Variants in EPG5 observed in about 807,000 individuals in gnomAD.
The protein encoded by EPG5 is ectopic P granules protein 5 homolog.
Under a neutral mutation model 302.7 loss-of-function variants are expected in EPG5, and 159 were observed. That is an observed-to-expected ratio of 0.53 (90% CI 0.46 to 0.60). The LOEUF is 0.60. Ranked by LOEUF, EPG5 falls within the 20% of genes least tolerant of loss-of-function variation. The probability of loss-of-function intolerance (pLI) is 0.00; values close to 1 mark genes in which losing one functional copy is unlikely to be tolerated. For missense variants in EPG5, 2,896 were observed against 3,092.4 expected, an observed-to-expected ratio of 0.94 and a Z score of 1.51; for synonymous variants, 1,158 against 1,136.8, an observed-to-expected ratio of 1.02 and a Z score of -0.37.
At chr18:45,800,790 C>A in the EPG5 span, among the ~76,000 whole-genome samples, 15 of 152,096 alleles carry the variant, frequency 9.9e-5, no homozygotes, top group Non-Finnish European at 2.1e-4. Flanking sequence ...TCAGGCTGTG[C>A]ACAGGACTGG....
the EPG5 span, among the ~76,000 whole-genome samples, chr18:45,824,016 T>C: frequency 5.3e-5 from 8 of 152,044 alleles, no homozygotes; most frequent in African/African-American, 1.2e-4. Flanking sequence ...GCAGAGATGA[T>C]ACTGAGGACT....
intron 11 of EPG5, among the ~76,000 whole-genome samples, chr18:45,931,371 T>C (rs1389096718): frequency 6.6e-6 from 1 of 152,212 alleles, no homozygotes; most frequent in Non-Finnish European, 1.5e-5. Flanking sequence ...GAAATACTAA[T>C]GAATGTCATA....
chr18:45,883,933 A>T (rs563764490), intron 30 of EPG5, among the ~76,000 whole-genome samples: 49 of 150,036 alleles, frequency 3.3e-4, no homozygotes, highest in Middle Eastern at 3.5e-3. Flanking sequence ...AATATAAAAT[A>T]AAATATTAAA....
chr18:45,824,081 G>A, the EPG5 span, among the ~76,000 whole-genome samples: 2 of 152,234 alleles, frequency 1.3e-5, no homozygotes, highest in East Asian at 3.8e-4. Context: ...AAGACCACAG[G>A]TGCAAAGATG....
chr18:45,835,098 GCTTAAAAGCAGGTTGTATGAAAAAAAGAA>G, the EPG5 span, among the ~76,000 whole-genome samples: 1 of 152,108 alleles, frequency 6.6e-6, no homozygotes, highest in African/African-American at 2.4e-5. Flanking sequence ...AGGAGATTAG[GCTTAAAAGCAGGTTGTATGAAAAAAAGAA>G]CTTGTAGTTT....
rs1331891468 is a variant in EPG5, at chr18:45,916,083, C to T, written c.3508G>A (p.Asp1170Asn). The change falls in exon 19 of 44, where the codon GAC becomes AAC. Residue 1170 changes from aspartate (D) to asparagine (N), a missense_variant. Asp to Asn is a conservative substitution (Grantham distance 23, BLOSUM62 1). Coordinates refer to ENST00000282041, the MANE Select transcript of EPG5 (RefSeq NM_020964.3). ...YREQPILFLMDHLCKAAFQLM... is the reference protein window; with the variant it reads ...YREQPILFLMNHLCKAAFQLM... Reference sequence around the variant, plus strand: ...TGAAAAGCTGCTTTACACAAGTGGTCCATGAGGAAGAGGATAGGTTGTTCT... The same window carrying T: ...TGAAAAGCTGCTTTACACAAGTGGTTCATGAGGAAGAGGATAGGTTGTTCT... The T allele has an allele frequency of 2.5e-6, 4 of 1,613,898 alleles. No homozygotes were observed. Among genetic ancestry groups the T allele is most frequent in the Non-Finnish European group, 1.7e-6 (2 of 1,180,016 alleles).
chr18:45,812,632 G>T, the EPG5 span, among the ~76,000 whole-genome samples: 3 of 152,164 alleles, frequency 2.0e-5, no homozygotes, highest in Non-Finnish European at 4.4e-5. Context: ...ACAACTGTCT[G>T]ATCTTTGACA....
In EPG5 at chr18:45,880,057, A is replaced by T; in HGVS notation, c.5667+18T>A. On this transcript the variant is annotated intron_variant, in intron 32 of 43. Coordinates refer to ENST00000282041, the MANE Select transcript of EPG5 (RefSeq NM_020964.3). ...AAAAAGAAATGCACAAACACGTCAG[A>T]GACCAAAGGCTACACACCTGCTTGT... 6.5e-7 allele frequency: 1 copy of T among 1,532,604 alleles called. No homozygotes were observed. The highest frequency in any genetic ancestry group is 1.8e-4 in the Middle Eastern group (1 of 5,704). 94.9% of individuals were successfully genotyped at this position (1,532,604 alleles called of 1,614,324 possible). A position where few individuals can be genotyped will look rare whatever the true frequency, so the allele number is the denominator to read the frequency against.
intron 4 of EPG5, among the ~76,000 whole-genome samples, chr18:45,950,091 A>T (rs2050871735): frequency 6.6e-6 from 1 of 152,200 alleles, no homozygotes; most frequent in African/African-American, 2.4e-5. Context: ...TTTCTCTTAA[A>T]AGAAACATTT....
intron 34 of EPG5, 48 bp from the exon 35 acceptor site, chr18:45,876,390 T>C: frequency 2.7e-6 from 4 of 1,471,178 alleles, no homozygotes; most frequent in Non-Finnish European, 3.8e-6. Context: ...GTGATTAAAA[T>C]ACTGTTAAGT....
chr18:45,928,972 GA>G lies in EPG5; in HGVS notation c.2449del (p.Ser817GlnfsTer8), dbSNP rs758184848. 6.2e-7 allele frequency: 1 copy of G among 1,613,914 alleles called. No individual in the cohort carries two copies. Among genetic ancestry groups the G allele is most frequent in the East Asian group, 2.2e-5 (1 of 44,866 alleles). ...CCCTAAAAGCTCTCGACCAACCTTT[GA>G]AAAAGTCTCTCTGGTAGACAAGGTG... Reference protein sequence around the residue: ...YVTLSTRETFSKVGRELLGTI... With the variant: ...YVTLSTRETFXKVGRELLGTI... On this transcript the variant is annotated frameshift_variant, in exon 13 of 44. Coordinates refer to ENST00000282041, the MANE Select transcript of EPG5 (RefSeq NM_020964.3). LOFTEE classifies it high-confidence loss of function.
Position 45,857,893 on chromosome 18 carries a change from C to T in EPG5, c.7402G>A (p.Gly2468Arg). ...AEERLSSGIL[G>R]AIGFGRKSPL... ...GACTTCCGGCCAAACCCAATTGCCC[C>T]CAGGATCCCAGAGCTGAGTCTCTCC... The change falls in exon 42 of 44, where the codon GGG becomes AGG. Residue 2468 changes from glycine (G) to arginine (R), a missense_variant. This residue lies in a region of EPG5 where 620 missense variants were observed against 704.2 expected (regional missense o/e 0.88). Coordinates refer to ENST00000282041, the MANE Select transcript of EPG5 (RefSeq NM_020964.3). The T allele has an allele frequency of 1.2e-6, 2 of 1,612,386 alleles. No homozygotes were observed. The highest frequency in any genetic ancestry group is 3.3e-5 in the Admixed American group (2 of 60,020).
In EPG5 at chr18:45,849,741, C is replaced by G. The variant is rs189797623; in HGVS notation, c.*2726G>C. The G allele has an allele frequency of 2.2e-3, 337 of 152,314 alleles. 1 individual carries two copies. Among genetic ancestry groups the G allele is most frequent in the African/African-American group, 7.7e-3 (321 of 41,544 alleles). 9.4% of individuals were successfully genotyped at this position (152,314 alleles called of 1,614,324 possible). On this transcript the variant is annotated 3_prime_UTR_variant, in exon 44 of 44. Transcript: ENST00000282041. ...ACAACCCCAGTGGGGCAGAGGCATG[C>G]GATGTCTGAGCCAACAAAGGATGGT...
At chr18:45,933,669 C>CA (rs34283302) in intron 11 of EPG5, among the ~76,000 whole-genome samples, 49,114 of 135,046 alleles carry the variant, frequency 0.36, 9,503 homozygotes, top group Non-Finnish European at 0.46. Flanking sequence ...TGCTCATTCT[C>CA]AAAAAAAAAA....
chr18:45,870,085 G>A (rs117114371), intron 36 of EPG5, among the ~76,000 whole-genome samples: 45 of 152,170 alleles, frequency 3.0e-4, no homozygotes, highest in Non-Finnish European at 6.5e-4. Flanking sequence ...GTCTGCACAC[G>A]ATTATGATGC....
At chr18:45,872,681 G>C (rs772095502) in intron 35 of EPG5, among the ~76,000 whole-genome samples, 14 of 151,994 alleles carry the variant, frequency 9.2e-5, no homozygotes, top group Non-Finnish European at 1.8e-4. Flanking sequence ...TCCAACCTGG[G>C]CAACAGAGTG....
Position 45,903,998 on chromosome 18 carries a change from C to A in EPG5, c.4449G>T (p.Gln1483His). 1 of 1,612,032 alleles carries A rather than the reference C, an allele frequency of 6.2e-7. No individual in the cohort carries two copies. The highest frequency in any genetic ancestry group is 1.1e-5 in the South Asian group (1 of 90,672). The change falls in exon 25 of 44, where the codon CAG (glutamine) becomes CAT (histidine). Residue 1483 changes from glutamine (Q) to histidine (H), a missense_variant. Gln to His is a conservative substitution (Grantham distance 24, BLOSUM62 0). This residue lies in a region of EPG5 where 790 missense variants were observed against 798.0 expected (regional missense o/e 0.99). Coordinates refer to ENST00000282041, the MANE Select transcript of EPG5 (RefSeq NM_020964.3). ...CCAGCAAAGGATCAGTGAAGTCCAG[C>A]TGCACGGACAAACTGCAGGGTGTGG... ...SHSTPCSLSV[Q>H]LDFTDPLLAK...
chr18:45,890,560 G>A (rs1264412940), intron 27 of EPG5, among the ~76,000 whole-genome samples: 1 of 147,852 alleles, frequency 6.8e-6, no homozygotes, highest in South Asian at 2.1e-4. Flanking sequence ...GAAAAACAAG[G>A]AGAATTTATT....
the EPG5 span, chr18:45,829,124 G>A: frequency 1.0e-6 from 1 of 985,556 alleles, no homozygotes; most frequent in Non-Finnish European, 1.2e-6. Flanking sequence ...GCAGCACTCT[G>A]GGGTGGGCAC....
Sources: gnomAD v4.1 joint callset for allele counts (sites outside exome capture counted in the v4.1 genomes callset) on GRCh38, gnomAD v4.1.1 for gene constraint, gnomAD v4.1.1 regional missense constraint, MANE v1.5 for transcripts, NCBI Gene and HGNC (gene_info 2026-07-23, HGNC 2026-07-21) for gene names.